Variants in STT3A observed in about 807,000 individuals in gnomAD.
STT3A encodes the protein STT3 oligosaccharyltransferase complex catalytic subunit A, also known as dolichyl-diphosphooligosaccharide--protein glycosyltransferase subunit STT3A.
STT3A carries 34 observed loss-of-function variants against 89.2 expected under a neutral mutation model. The observed-to-expected ratio is 0.38, with a 90% CI of 0.29 to 0.51. The LOEUF (loss-of-function observed/expected upper bound fraction) is 0.51. STT3A is among the 20% of genes least tolerant of loss of function. The pLI is 0.89. For synonymous variants in STT3A, 282 were observed against 310.3 expected, an observed-to-expected ratio of 0.91 and a Z score of 0.96; for missense variants, 555 against 889.5, an observed-to-expected ratio of 0.62 and a Z score of 4.78.
intron 3 of STT3A, among the ~76,000 whole-genome samples, chr11:125,600,716 A>C (rs977031098): frequency 6.6e-6 from 1 of 152,194 alleles, no homozygotes; most frequent in Non-Finnish European, 1.5e-5. Flanking sequence ...GGCCTAAAGA[A>C]CTATCTTTCC....
upstream of STT3A, chr11:125,592,593 C>A (rs1445537787): frequency 4.7e-6 from 2 of 426,590 alleles, no homozygotes; most frequent in Non-Finnish European, 9.4e-6. Context: ...CGGCCCTCAA[C>A]CAAACTGCTT....
In STT3A at chr11:125,594,582, CAAAAAAAAA is replaced by C. The variant is rs34558992; in HGVS notation, c.-35-1287_-35-1279del. ...CTGGCGACAGAGCAAGACTCCGTCTCAAAAAAAAAAAAAAAAAAAAGATAGTAGTACTGT... is the reference window on the plus strand; with the variant it reads ...CTGGCGACAGAGCAAGACTCCGTCTCAAAAAAAAAAAGATAGTAGTACTGT... On this transcript the variant is annotated intron_variant, in intron 1 of 17. Coordinates refer to ENST00000392708, the MANE Select transcript of STT3A (RefSeq NM_152713.5). 3.2e-5 allele frequency among the ~76,000 whole-genome samples: 3 copies of C among 92,334 alleles called. No individual in the cohort carries two copies. In the South Asian group the frequency reaches 1.2e-3, roughly 36 times the overall value. 60.6% of individuals were successfully genotyped at this position (92,334 alleles called of 152,430 possible).
chr11:125,599,112 C>T (rs1444774964), intron 3 of STT3A, among the ~76,000 whole-genome samples: 1 of 152,214 alleles, frequency 6.6e-6, no homozygotes, highest in Non-Finnish European at 1.5e-5. Flanking sequence ...CCTATTCCTA[C>T]TAACTTATAC....
intron 5 of STT3A, 132 bp downstream of exon 5, chr11:125,603,080 A>G: frequency 9.1e-7 from 1 of 1,094,736 alleles, no homozygotes; most frequent in East Asian, 2.6e-5. Context: ...TACTGGGCCA[A>G]ATTAATTGGC....
In STT3A at chr11:125,620,791, GAGGCTTGTCA is replaced by G; in HGVS notation, c.2103_2112del (p.Leu702HisfsTer8). 1 of 1,613,652 alleles carries G rather than the reference GAGGCTTGTCA, an allele frequency of 6.2e-7. No homozygotes were observed. Among genetic ancestry groups the G allele is most frequent in the Non-Finnish European group, 8.5e-7 (1 of 1,179,886 alleles). ...TTGCAGGTAAAGGACCTGGATAATC[GAGGCTTGTCA>G]AGGACATAAATGTCACGTCCAGCTC... is the stretch of plus-strand genomic sequence containing the variant. On this transcript the variant is annotated frameshift_variant, in exon 18 of 18. Coordinates refer to ENST00000392708, the MANE Select transcript of STT3A (RefSeq NM_152713.5). LOFTEE classifies it high-confidence loss of function.
intron 16 of STT3A, among the ~76,000 whole-genome samples, chr11:125,619,661 T>TCTTTGAC (rs1415698059): frequency 6.6e-6 from 1 of 152,164 alleles, no homozygotes; most frequent in African/African-American, 2.4e-5. Context: ...TGAATGCAGG[T>TCTTTGAC]CTTTGACTTC....
At chr11:125,618,965 C>T (rs1016640538) in intron 16 of STT3A, among the ~76,000 whole-genome samples, 1 of 152,138 alleles carries the variant, frequency 6.6e-6, no homozygotes, top group African/African-American at 2.4e-5. Flanking sequence ...AACTCCTGAG[C>T]TCAAGCAATC....
At chr11:125,608,396 C>T in intron 9 of STT3A, 107 bp downstream of exon 9, 1 of 1,130,296 alleles carries the variant, frequency 8.8e-7, no homozygotes, top group Non-Finnish European at 1.2e-6. Context: ...CTCACTGCAA[C>T]CTCCACCTCC....
At chr11:125,615,753 T>C (rs1940159552) in intron 15 of STT3A, among the ~76,000 whole-genome samples, 3 of 152,078 alleles carry the variant, frequency 2.0e-5, no homozygotes. Context: ...CGATAACCAT[T>C]AAAAAACAAT....
intron 1 of STT3A, chr11:125,593,811 C>T: frequency 6.6e-6 from 1 of 152,184 alleles, no homozygotes; most frequent in East Asian, 1.9e-4. Flanking sequence ...TGCTTGACTT[C>T]TCAGTGTTGG....
intron 15 of STT3A, 111 bp from the exon 16 acceptor site, chr11:125,618,262 T>G: frequency 2.0e-6 from 2 of 1,003,394 alleles, no homozygotes; most frequent in Non-Finnish European, 2.8e-6. Flanking sequence ...TAGAGTTAAA[T>G]GATACCAATC....
intron 2 of STT3A, among the ~76,000 whole-genome samples, 200 bp downstream of exon 2, chr11:125,596,203 G>A (rs28407465): frequency 0.016 from 2,382 of 152,256 alleles, 59 homozygotes; most frequent in African/African-American, 0.05. Flanking sequence ...AGTGGTTCAC[G>A]CCTGTAATCC....
chr11:125,596,095 C>A, intron 2 of STT3A, 92 bp downstream of exon 2: 1 of 944,800 alleles, frequency 1.1e-6, no homozygotes, highest in Non-Finnish European at 1.7e-6. Context: ...ATGCCTTGTT[C>A]TTTTTAGCAG....
chr11:125,601,114 A>C (rs767053994), intron 3 of STT3A, among the ~76,000 whole-genome samples: 1 of 152,206 alleles, frequency 6.6e-6, no homozygotes, highest in African/African-American at 2.4e-5. Context: ...GCTTCTATAT[A>C]GGTGACATAA....
rs1940111393 is a variant in STT3A, at chr11:125,614,347, A to C, written c.1695A>C (p.Lys565Asn). The C allele has an allele frequency of 6.2e-7, 1 of 1,614,024 alleles. No individual in the cohort carries two copies. Among genetic ancestry groups the C allele is most frequent in the Admixed American group, 1.7e-5 (1 of 59,992 alleles). Residue 565 changes from lysine to asparagine, a missense_variant, in exon 15 of 18, where the codon AAA becomes AAC. Coordinates refer to ENST00000392708, the MANE Select transcript of STT3A (RefSeq NM_152713.5). The surrounding 1 kb of genome is among the most constrained non-coding windows in gnomAD (Gnocchi z 4.9). Reference protein sequence around the residue: ...VGQAMASTEEKAYEIMRELDV... With the variant: ...VGQAMASTEENAYEIMRELDV... ...AGGCAATGGCGTCCACAGAGGAAAA[A>C]GCCTATGAGATCATGAGGGAGCTCG...
chr11:125,599,142 C>G (rs189032193), intron 3 of STT3A, among the ~76,000 whole-genome samples: 12 of 152,286 alleles, frequency 7.9e-5, no homozygotes, highest in Non-Finnish European at 1.3e-4. Context: ...CACTCTGCCT[C>G]TCCTACTGGT....
intron 16 of STT3A, 149 bp from the exon 17 acceptor site, chr11:125,619,862 C>A: frequency 1.6e-6 from 1 of 631,014 alleles, no homozygotes; most frequent in Non-Finnish European, 2.8e-6. Context: ...CCCTTACTAC[C>A]TCATGCCCTT....
chr11:125,592,732 C>T, upstream of STT3A: 1 of 297,200 alleles, frequency 3.4e-6, no homozygotes, highest in Non-Finnish European at 6.8e-6. Flanking sequence ...GAATCGCGGC[C>T]CGGTTTACGC....
At chr11:125,604,315 G>T (rs1443918098) in intron 6 of STT3A, 68 bp downstream of exon 6, 1 of 1,505,786 alleles carries the variant, frequency 6.6e-7, no homozygotes, top group African/African-American at 1.4e-5. Flanking sequence ...ACAAAGTGCA[G>T]TCTATGGTTT....
Sources: allele counts gnomAD v4.1 joint callset (sites outside exome capture counted in the v4.1 genomes callset), GRCh38; gene constraint gnomAD v4.1.1; non-coding constraint Gnocchi (gnomAD v3.1); transcripts MANE v1.5; gene names NCBI Gene and HGNC (gene_info 2026-07-23, HGNC 2026-07-21).